WWP2: variants seen among roughly 807,000 people sequenced by gnomAD.
WWP2 encodes the protein WW domain containing E3 ubiquitin protein ligase 2, also known as NEDD4-like E3 ubiquitin-protein ligase WWP2.
In WWP2, 57 loss-of-function variants were observed where a neutral mutation model predicts 121.0. The ratio of observed to expected loss-of-function variants is 0.47; its 90% CI spans 0.38 to 0.59. WWP2 has a LOEUF of 0.59. Among genes scored for constraint, WWP2 ranks in the 20% least tolerant of loss-of-function variants. The pLI, the probability that WWP2 is intolerant of heterozygous loss-of-function variation, is 0.00. For synonymous variants in WWP2, 449 were observed against 441.3 expected, an observed-to-expected ratio of 1.02 and a Z score of -0.22; for missense variants, 962 against 1,158.9, an observed-to-expected ratio of 0.83 and a Z score of 2.47.
At position 69,794,472 on chromosome 16, in the gene WWP2, C is replaced by T. The variant is rs759007027; in HGVS notation, c.71-4210C>T. ...TGAGCCCCAGAGGTGGAGGCTGCAGCGAGATGAGATTGCACCACTGCACTC... is the reference window on the plus strand; with the variant it reads ...TGAGCCCCAGAGGTGGAGGCTGCAGTGAGATGAGATTGCACCACTGCACTC... On this transcript the variant is annotated intron_variant, in intron 2 of 23. Coordinates refer to ENST00000359154, the MANE Select transcript of WWP2 (RefSeq NM_001270454.2). Among the ~76,000 whole-genome samples the T allele has an allele frequency of 2.7e-4, 41 of 151,578 alleles. 1 individual carries two copies. Among genetic ancestry groups the T allele is most frequent in the Admixed American group, 2.4e-3 (36 of 15,218 alleles).
At chr16:69,782,281 TCAAACAAA>T (rs1010371081) in intron 1 of WWP2, among the ~76,000 whole-genome samples, 2 of 152,062 alleles carry the variant, frequency 1.3e-5, no homozygotes, top group Admixed American at 1.3e-4. Context: ...AGACTCCATC[TCAAACAAA>T]CAAACAGACA....
chr16:69,931,331 G>A (rs1232980136), intron 14 of WWP2, 104 bp downstream of exon 14: 12 of 1,511,860 alleles, frequency 7.9e-6, no homozygotes, highest in African/African-American at 4.1e-5. Context: ...TGTCTTAGGC[G>A]GGCGCAAGAC....
chr16:69,870,569 A>C (rs779062345), intron 6 of WWP2, among the ~76,000 whole-genome samples: 1 of 152,152 alleles, frequency 6.6e-6, no homozygotes, highest in South Asian at 2.1e-4. Flanking sequence ...CCAAAGTGTT[A>C]GGATAACAGG....
At chr16:69,905,584 A>G (rs530526771) in intron 8 of WWP2, among the ~76,000 whole-genome samples, 1 of 152,308 alleles carries the variant, frequency 6.6e-6, no homozygotes, top group African/African-American at 2.4e-5. Context: ...AGATATTCCA[A>G]AATCTGAAAA....
chr16:69,868,171 G>A (rs971945750), intron 6 of WWP2, among the ~76,000 whole-genome samples: 3 of 152,184 alleles, frequency 2.0e-5, no homozygotes, highest in Non-Finnish European at 2.9e-5. Context: ...GGGATGTGGT[G>A]TTTGTGTGTG....
At chr16:69,932,978 C>T (rs182081316) in intron 16 of WWP2, 59 of 468,420 alleles carry the variant, frequency 1.3e-4, no homozygotes, top group African/African-American at 1.1e-3. Context: ...TCGGTGGTGG[C>T]GTTGCCTTCT....
At chr16:69,909,405 CCT>C in intron 9 of WWP2, 3 of 985,828 alleles carry the variant, frequency 3.0e-6, no homozygotes, top group Non-Finnish European at 3.6e-6. Flanking sequence ...CTTCCCCTGC[CCT>C]GAGTTTGTGG....
chr16:69,850,160 G>A (rs2057176226), intron 6 of WWP2, among the ~76,000 whole-genome samples: 1 of 152,160 alleles, frequency 6.6e-6, no homozygotes, highest in Admixed American at 6.5e-5. Context: ...GCCAAGGTGG[G>A]CAGATCATGA....
chr16:69,841,660 G>A (rs946233114), intron 5 of WWP2, among the ~76,000 whole-genome samples: 3 of 151,694 alleles, frequency 2.0e-5, no homozygotes, highest in Non-Finnish European at 4.4e-5. Context: ...ATGGAGAAAT[G>A]CCCCCGATTT....
At chr16:69,823,603 G>A (rs2151847925) in intron 4 of WWP2, among the ~76,000 whole-genome samples, 1 of 152,096 alleles carries the variant, frequency 6.6e-6, no homozygotes, top group African/African-American at 2.4e-5. Context: ...AAGTAGCTGG[G>A]ATTACAGGTG....
At chr16:69,856,601 C>A in intron 6 of WWP2, among the ~76,000 whole-genome samples, 1 of 151,948 alleles carries the variant, frequency 6.6e-6, no homozygotes, top group Non-Finnish European at 1.5e-5. Flanking sequence ...ATGGTGAAAC[C>A]ACATCTCACT....
chr16:69,914,435 G>A (rs910717138), intron 9 of WWP2, among the ~76,000 whole-genome samples: 3 of 152,260 alleles, frequency 2.0e-5, no homozygotes, highest in Admixed American at 2.0e-4. Context: ...CTTCTCAGCT[G>A]TAGAGCAGGA....
chr16:69,799,110 T>G lies in WWP2; in HGVS notation c.219-64T>G, dbSNP rs1258384809. On this transcript the variant is annotated intron_variant, in intron 3 of 23. Coordinates refer to ENST00000359154, the MANE Select transcript of WWP2 (RefSeq NM_001270454.2). The surrounding 1 kb of genome is among the most constrained non-coding windows in gnomAD (Gnocchi z 4.5). Reference sequence around the variant, plus strand: ...CAAGATGTCAGCAGTTTAGTTTAAATGTTTTCTTCTAAGTTATAGGAATGA... The same window carrying G: ...CAAGATGTCAGCAGTTTAGTTTAAAGGTTTTCTTCTAAGTTATAGGAATGA... 3 of 1,555,016 alleles carry G rather than the reference T, an allele frequency of 1.9e-6. No homozygotes were observed. The highest frequency in any genetic ancestry group is 2.6e-6 in the Non-Finnish European group (3 of 1,152,328).
At chr16:69,819,422 C>T (rs1242707583) in intron 4 of WWP2, among the ~76,000 whole-genome samples, 1 of 152,204 alleles carries the variant, frequency 6.6e-6, no homozygotes, top group Non-Finnish European at 1.5e-5. Context: ...TCCCTCGGGC[C>T]ACAGGTCTCC....
intron 8 of WWP2, among the ~76,000 whole-genome samples, chr16:69,902,615 G>A (rs1392964604): frequency 1.3e-5 from 2 of 152,184 alleles, no homozygotes; most frequent in Non-Finnish European, 2.9e-5. Context: ...CCAAGATGCA[G>A]TGTTGAGACC....
At chr16:69,922,131 G>A (rs944957552) in intron 10 of WWP2, among the ~76,000 whole-genome samples, 2 of 149,996 alleles carry the variant, frequency 1.3e-5, no homozygotes, top group Non-Finnish European at 3.0e-5. Flanking sequence ...CTCTTAGGGT[G>A]TGGACTCCAA....
At chr16:69,896,727 A>T (rs1567414601) in intron 8 of WWP2, among the ~76,000 whole-genome samples, 1 of 143,250 alleles carries the variant, frequency 7.0e-6, no homozygotes, top group Non-Finnish European at 1.5e-5. Context: ...GCTTGTGTGT[A>T]TTTTTTTTTT....
At chr16:69,764,399 C>T (rs1404058863) in intron 1 of WWP2, among the ~76,000 whole-genome samples, 8 of 152,054 alleles carry the variant, frequency 5.3e-5, no homozygotes, top group Admixed American at 2.0e-4. Flanking sequence ...TGCTATGTTG[C>T]CCGGGCTGTT....
chr16:69,846,279 T>A (rs1032876963), intron 6 of WWP2, among the ~76,000 whole-genome samples: 1 of 152,128 alleles, frequency 6.6e-6, no homozygotes, highest in African/African-American at 2.4e-5. Flanking sequence ...TATATCCATA[T>A]GGTGGAATCT....
Sources: allele counts gnomAD v4.1 joint callset (sites outside exome capture counted in the v4.1 genomes callset), GRCh38; gene constraint gnomAD v4.1.1; non-coding constraint Gnocchi (gnomAD v3.1); transcripts MANE v1.5; gene names NCBI Gene and HGNC (gene_info 2026-07-23, HGNC 2026-07-21).